LARGE1: variants seen among roughly 807,000 people sequenced by gnomAD.
The protein encoded by LARGE1 is LARGE xylosyl- and glucuronyltransferase 1, also known as xylosyl- and glucuronyltransferase LARGE1.
LARGE1 carries 43 observed loss-of-function variants against 87.6 expected under a neutral mutation model. The ratio of observed to expected loss-of-function variants is 0.49; its 90% confidence interval spans 0.38 to 0.63. LARGE1 has a LOEUF of 0.63. LARGE1 is among the 30% of genes least tolerant of loss of function. The pLI, the probability that LARGE1 is intolerant of heterozygous loss-of-function variation, is 0.00. For missense variants in LARGE1, 802 were observed against 1,000.2 expected, an observed-to-expected ratio of 0.80 and a Z score of 2.67; for synonymous variants, 434 against 394.6, an observed-to-expected ratio of 1.10 and a Z score of -1.18.
At chr22:33,371,649 T>C (rs1236382722) in intron 9 of LARGE1, among the ~76,000 whole-genome samples, 1 of 152,184 alleles carries the variant, frequency 6.6e-6, no homozygotes, top group East Asian at 1.9e-4. Context: ...ATAAGTAATC[T>C]AGGTGAATTG....
At chr22:33,475,074 T>C (rs987290184) in intron 6 of LARGE1, among the ~76,000 whole-genome samples, 2 of 152,052 alleles carry the variant, frequency 1.3e-5, no homozygotes, top group East Asian at 1.9e-4. Context: ...CAGGCTGAAT[T>C]TGGGGACAGG....
chr22:33,423,337 A>G (rs2066761202), intron 7 of LARGE1, among the ~76,000 whole-genome samples: 1 of 151,814 alleles, frequency 6.6e-6, no homozygotes, highest in South Asian at 2.1e-4. Flanking sequence ...TATTTTATTT[A>G]CTCTTTATAT....
At chr22:33,123,737 T>C in the LARGE1 span, among the ~76,000 whole-genome samples, 4 of 152,028 alleles carry the variant, frequency 2.6e-5, no homozygotes, top group African/African-American at 9.7e-5. Flanking sequence ...TGAACAGCAT[T>C]TCTCAAGGGG....
chr22:33,848,993 C>T (rs988329794), intron 1 of LARGE1, among the ~76,000 whole-genome samples: 3 of 152,238 alleles, frequency 2.0e-5, no homozygotes, highest in Non-Finnish European at 4.4e-5. Context: ...CATGGGTTTA[C>T]ACCCCCTACT....
intron 1 of LARGE1, among the ~76,000 whole-genome samples, chr22:33,793,752 ATC>A (rs992541127): frequency 1.6e-4 from 24 of 150,982 alleles, no homozygotes; most frequent in Admixed American, 1.3e-3. Flanking sequence ...ATCACTGCAG[ATC>A]TCTGTTTTCT....
rs569896895 is a variant in LARGE1, at chr22:33,757,648, T to C, written c.106+3723A>G. ...CTTGGCTCTGCTCTCAGGAGGTCCATTGATATTAAACAGAGTCAAAAAATA... is the reference window on the plus strand; with the variant it reads ...CTTGGCTCTGCTCTCAGGAGGTCCACTGATATTAAACAGAGTCAAAAAATA... On this transcript the variant is annotated intron_variant, in intron 2 of 14. Transcript: ENST00000397394. Among the ~76,000 whole-genome samples the C allele has an allele frequency of 5.3e-5, 8 of 152,256 alleles. No individual in the cohort carries two copies. The East Asian group carries it at 9.7e-4, about 18-fold the overall frequency.
At chr22:33,307,681 A>C (rs1167639760) in intron 11 of LARGE1, among the ~76,000 whole-genome samples, 1 of 152,186 alleles carries the variant, frequency 6.6e-6, no homozygotes, top group Admixed American at 6.5e-5. Context: ...CTAGTGGGGA[A>C]AAAAGACAAT....
At chr22:33,228,796 AT>A (rs1325457245) in intron 11 of LARGE1, among the ~76,000 whole-genome samples, 1 of 152,156 alleles carries the variant, frequency 6.6e-6, no homozygotes, top group African/African-American at 2.4e-5. Context: ...GTGGCTGGGA[AT>A]TTTACAACCA....
At chr22:33,696,150 G>T (rs935765677) in intron 2 of LARGE1, among the ~76,000 whole-genome samples, 2 of 152,040 alleles carry the variant, frequency 1.3e-5, no homozygotes, top group African/African-American at 4.8e-5. Context: ...TGAATACCTG[G>T]GCTGTTTTTG....
chr22:33,298,223 C>A (rs1225701777), intron 12 of LARGE1, among the ~76,000 whole-genome samples: 3 of 152,130 alleles, frequency 2.0e-5, no homozygotes, highest in African/African-American at 7.2e-5. Context: ...CTGTGTGAAT[C>A]CCGATGCTAG....
intron 7 of LARGE1, among the ~76,000 whole-genome samples, chr22:33,414,853 C>T (rs981070545): frequency 1.3e-5 from 2 of 152,184 alleles, no homozygotes; most frequent in African/African-American, 4.8e-5. Flanking sequence ...CATGTGAAGG[C>T]ACAGTTAGAA....
intron 6 of LARGE1, among the ~76,000 whole-genome samples, chr22:33,487,854 G>A (rs374311935): frequency 6.6e-6 from 1 of 152,132 alleles, no homozygotes; most frequent in Non-Finnish European, 1.5e-5. Flanking sequence ...CTGCAAAGTG[G>A]AGATCATGTT....
chr22:33,274,240 G>A lies in LARGE1; in HGVS notation c.*187C>T. Reference sequence around the variant, plus strand: ...AACCTCTGGGAATGCAGGGTTGTGGGGCAGAGAGGGACTGGCTGGATCCTT... The same window carrying A: ...AACCTCTGGGAATGCAGGGTTGTGGAGCAGAGAGGGACTGGCTGGATCCTT... On this transcript the variant is annotated 3_prime_UTR_variant, in exon 15 of 15. Transcript: ENST00000397394. 1 of 660,800 alleles carries A rather than the reference G, an allele frequency of 1.5e-6. No individual in the cohort carries two copies. Among genetic ancestry groups the A allele is most frequent in the South Asian group, 1.7e-5 (1 of 57,250 alleles). The allele number at this position is 660,800 out of a possible 1,614,324, so 40.9% of individuals were successfully genotyped here. A position where few individuals can be genotyped will look rare whatever the true frequency, so the allele number is the denominator to read the frequency against.
chr22:33,736,534 A>G (rs1232659361), intron 2 of LARGE1, among the ~76,000 whole-genome samples: 1 of 152,266 alleles, frequency 6.6e-6, no homozygotes, highest in Non-Finnish European at 1.5e-5. Context: ...TATTCTGTAC[A>G]TAAGTCCCTT....
At chr22:33,209,780 G>C (rs1350654512) in intron 11 of LARGE1, among the ~76,000 whole-genome samples, 1 of 152,068 alleles carries the variant, frequency 6.6e-6, no homozygotes, top group Non-Finnish European at 1.5e-5. Flanking sequence ...TGAGGAGCTG[G>C]GACTACAGGC....
the LARGE1 span, among the ~76,000 whole-genome samples, chr22:33,104,235 G>A: frequency 6.6e-6 from 1 of 152,178 alleles, no homozygotes; most frequent in East Asian, 1.9e-4. Context: ...ATAAGTGGGA[G>A]TTGCTTTGGA....
intron 2 of LARGE1, among the ~76,000 whole-genome samples, chr22:33,704,265 T>A (rs1243644518): frequency 2.0e-5 from 3 of 152,210 alleles, no homozygotes; most frequent in African/African-American, 7.2e-5. Context: ...GATGCATACA[T>A]GTATCTGCAG....
intron 11 of LARGE1, among the ~76,000 whole-genome samples, chr22:33,204,801 T>G (rs1602089642): frequency 6.6e-6 from 1 of 152,110 alleles, no homozygotes; most frequent in South Asian, 2.1e-4. Context: ...ATTCCAGCAT[T>G]TTTTTTCAAG....
In LARGE1 at chr22:33,673,118, C is replaced by T. The variant is rs2267253; in HGVS notation, c.107-22450G>A. On this transcript the variant is annotated intron_variant, in intron 2 of 14. Coordinates refer to ENST00000397394, the MANE Select transcript of LARGE1 (RefSeq NM_133642.5). Reference sequence around the variant, plus strand: ...TGAAACCCCGTCTCTACTAAAAATACAAAAAAATTAGCCAGGCATGGTGGC... The same window carrying T: ...TGAAACCCCGTCTCTACTAAAAATATAAAAAAATTAGCCAGGCATGGTGGC... Among the ~76,000 whole-genome samples, 244 of 152,054 alleles carry T rather than the reference C, an allele frequency of 1.6e-3. 4 individuals carry two copies. In the East Asian group the frequency reaches 0.035, roughly 22 times the overall value.
Sources: allele counts gnomAD v4.1 joint callset (sites outside exome capture counted in the v4.1 genomes callset), GRCh38; gene constraint gnomAD v4.1.1; transcripts MANE v1.5; gene names NCBI Gene and HGNC (gene_info 2026-07-23, HGNC 2026-07-21).